ITFG1: variants seen among roughly 807,000 people sequenced by gnomAD.
ITFG1 encodes integrin alpha FG-GAP repeat containing 1.
A neutral mutation model predicts 81.8 loss-of-function variants in ITFG1; 34 were observed. That is an observed-to-expected ratio of 0.42 (90% CI 0.32 to 0.55). The LOEUF is 0.55. Among genes scored for constraint, ITFG1 ranks in the 20% least tolerant of loss-of-function variants. The probability of loss-of-function intolerance (pLI) is 0.17; values close to 1 mark genes in which losing one functional copy is unlikely to be tolerated. For synonymous variants in ITFG1, 285 were observed against 270.6 expected (o/e 1.05, Z -0.52); for missense variants, 672 against 755.4 (o/e 0.89, Z 1.29).
intron 11 of ITFG1, among the ~76,000 whole-genome samples, chr16:47,259,934 T>C (rs2151542024): frequency 6.6e-6 from 1 of 151,664 alleles, no homozygotes; most frequent in African/African-American, 2.4e-5. Context: ...TTGTTGGCTG[T>C]AAATTTTTTT....
At position 47,396,128 on chromosome 16, in the gene ITFG1, T is replaced by C. The variant is rs1213855600; in HGVS notation, c.656-20188A>G. 4 of 980,486 alleles carry C rather than the reference T, an allele frequency of 4.1e-6. No individual in the cohort carries two copies. The African/African-American group carries it at 5.3e-5, about 13-fold the overall frequency. 60.7% of individuals were successfully genotyped at this position (980,486 alleles called of 1,614,324 possible). Reference sequence around the variant, plus strand: ...CTATCCCTTTCCATTTTCTTAAGTATAGTGTGGTGGGTGGTCAGGAGAAGG... The same window carrying C: ...CTATCCCTTTCCATTTTCTTAAGTACAGTGTGGTGGGTGGTCAGGAGAAGG... On this transcript the variant is annotated intron_variant, in intron 6 of 17. Coordinates refer to ENST00000320640, the MANE Select transcript of ITFG1 (RefSeq NM_030790.5).
chr16:47,256,187 A>C (rs1966137733), intron 12 of ITFG1, among the ~76,000 whole-genome samples: 1 of 151,560 alleles, frequency 6.6e-6, no homozygotes. Context: ...CTGGTCTTCA[A>C]CTCCTGACTT....
intron 5 of ITFG1, among the ~76,000 whole-genome samples, chr16:47,438,900 A>G (rs1969206649): frequency 6.6e-6 from 1 of 152,206 alleles, no homozygotes; most frequent in African/African-American, 2.4e-5. Context: ...CTAAATGAGG[A>G]AGTTTGAACC....
At chr16:47,217,345 T>C (rs1371968187) in intron 14 of ITFG1, among the ~76,000 whole-genome samples, 1 of 152,158 alleles carries the variant, frequency 6.6e-6, no homozygotes, top group African/African-American at 2.4e-5. Flanking sequence ...CCAGTGAACT[T>C]AGTTTTTGGT....
intron 1 of ITFG1, among the ~76,000 whole-genome samples, chr16:47,460,600 CTG>C (rs1279673161): frequency 6.6e-6 from 1 of 152,240 alleles, no homozygotes; most frequent in East Asian, 1.9e-4. Context: ...AGGAACAAAA[CTG>C]AGGTGCTGTC....
At chr16:47,418,820 C>A (rs1182016488) in intron 6 of ITFG1, among the ~76,000 whole-genome samples, 2 of 152,124 alleles carry the variant, frequency 1.3e-5, no homozygotes, top group Non-Finnish European at 2.9e-5. Context: ...TAAACTCAGG[C>A]AGTGTGATGC....
intron 8 of ITFG1, among the ~76,000 whole-genome samples, chr16:47,332,602 T>C (rs1967650681): frequency 6.6e-6 from 1 of 152,206 alleles, no homozygotes; most frequent in Non-Finnish European, 1.5e-5. Flanking sequence ...TCAAATTACA[T>C]ATGTTAGAAC....
chr16:47,200,467 T>C (rs929928625), intron 14 of ITFG1, among the ~76,000 whole-genome samples: 1 of 152,176 alleles, frequency 6.6e-6, no homozygotes, highest in African/African-American at 2.4e-5. Flanking sequence ...TGACAATGAT[T>C]AGTAACAACA....
At chr16:47,208,421 C>G (rs1315733127) in intron 14 of ITFG1, among the ~76,000 whole-genome samples, 4 of 152,108 alleles carry the variant, frequency 2.6e-5, no homozygotes, top group Non-Finnish European at 5.9e-5. Flanking sequence ...TTATTTATTC[C>G]CAGAGTCTTT....
chr16:47,461,165 C>A, upstream of ITFG1: 1 of 1,063,984 alleles, frequency 9.4e-7, no homozygotes, highest in Non-Finnish European at 1.3e-6. Context: ...CCGCTGCCGG[C>A]TCCTTTTTCT....
At chr16:47,352,852 T>C (rs1967982879) in intron 8 of ITFG1, among the ~76,000 whole-genome samples, 1 of 152,108 alleles carries the variant, frequency 6.6e-6, no homozygotes, top group African/African-American at 2.4e-5. Flanking sequence ...ATGTGGCACA[T>C]ATACACCATG....
At chr16:47,459,292 G>A (rs1969491232) in intron 1 of ITFG1, 117 bp from the exon 2 acceptor site, 4 of 668,994 alleles carry the variant, frequency 6.0e-6, no homozygotes, top group Non-Finnish European at 1.1e-5. Flanking sequence ...TTCTACTCCA[G>A]TTCATCTGCC....
At chr16:47,266,635 A>C (rs887098843) in intron 10 of ITFG1, among the ~76,000 whole-genome samples, 3 of 152,238 alleles carry the variant, frequency 2.0e-5, no homozygotes, top group Non-Finnish European at 2.9e-5. Flanking sequence ...GCTTTGAAAA[A>C]CAGTCTAGCA....
At chr16:47,316,458 C>G (rs1256812857) in intron 8 of ITFG1, among the ~76,000 whole-genome samples, 1 of 152,134 alleles carries the variant, frequency 6.6e-6, no homozygotes. Context: ...TGTGCATTCC[C>G]TAGGAGTAGG....
intron 8 of ITFG1, among the ~76,000 whole-genome samples, chr16:47,351,474 G>A (rs1024615144): frequency 2.3e-4 from 35 of 152,236 alleles, no homozygotes; most frequent in Admixed American, 3.3e-4. Context: ...GCTTCAAAGA[G>A]AATAAAATAC....
chr16:47,216,693 ACT>A (rs1965629020), intron 14 of ITFG1, among the ~76,000 whole-genome samples: 1 of 151,250 alleles, frequency 6.6e-6, no homozygotes, highest in African/African-American at 2.4e-5. Flanking sequence ...AGACAGTCTT[ACT>A]CCTTCACCAA....
chr16:47,456,543 T>A (rs978148490), intron 2 of ITFG1, among the ~76,000 whole-genome samples: 15 of 151,906 alleles, frequency 9.9e-5, no homozygotes, highest in Non-Finnish European at 2.2e-4. Flanking sequence ...TACTACAAAA[T>A]TCGCTGGGCG....
chr16:47,350,064 A>C (rs1441091743), intron 8 of ITFG1, among the ~76,000 whole-genome samples: 13 of 152,358 alleles, frequency 8.5e-5, no homozygotes, highest in South Asian at 4.1e-4. Flanking sequence ...CATTCAAAGC[A>C]GTGTGTAGAG....
At chr16:47,283,489 GTC>G (rs1211920690) in intron 10 of ITFG1, among the ~76,000 whole-genome samples, 3 of 152,132 alleles carry the variant, frequency 2.0e-5, no homozygotes, top group Non-Finnish European at 4.4e-5. Context: ...AATAAATCCT[GTC>G]TCTGTCCATT....
Sources: gnomAD v4.1 joint callset for allele counts (sites outside exome capture counted in the v4.1 genomes callset) on GRCh38, gnomAD v4.1.1 for gene constraint, MANE v1.5 for transcripts, NCBI Gene and HGNC (gene_info 2026-07-23, HGNC 2026-07-21) for gene names.